Variants in LTBP1 observed in about 807,000 individuals in gnomAD.
LTBP1 encodes the protein latent transforming growth factor beta binding protein 1.
A neutral mutation model predicts 207.6 loss-of-function variants in LTBP1; 129 were observed. That is an observed-to-expected ratio of 0.62 (90% CI 0.54 to 0.72). The LOEUF is 0.72. Among genes scored for constraint, LTBP1 ranks in the 30% least tolerant of loss-of-function variants. The probability of loss-of-function intolerance (pLI) is 0.00; values close to 1 mark genes in which losing one functional copy is unlikely to be tolerated. For missense variants in LTBP1, 2,281 were observed against 2,217.2 expected (o/e 1.03, Z -0.58); for synonymous variants, 963 against 833.7 (o/e 1.16, Z -2.67).
chr2:32,950,458 C>G (rs1173104794), intron 2 of LTBP1, among the ~76,000 whole-genome samples: 1 of 151,118 alleles, frequency 6.6e-6, no homozygotes, highest in African/African-American at 2.4e-5. Flanking sequence ...ACTGGGGAGG[C>G]TAAGGCAGGA....
intron 5 of LTBP1, among the ~76,000 whole-genome samples, chr2:33,164,352 G>GAA (rs56916166): frequency 0.029 from 818 of 28,186 alleles, 101 homozygotes; most frequent in African/African-American, 0.089. Flanking sequence ...TTCCTCTCAG[G>GAA]AAAAAAAAAA....
At chr2:33,397,045 G>T (rs141560928) in intron 32 of LTBP1, 88 bp from the exon 33 acceptor site, 46 of 1,247,178 alleles carry the variant, frequency 3.7e-5, no homozygotes, top group Non-Finnish European at 4.9e-5. Context: ...GTGTCTATTT[G>T]GAAAATGAAC....
intron 2 of LTBP1, among the ~76,000 whole-genome samples, chr2:33,006,118 A>G (rs1057092344): frequency 1.3e-5 from 2 of 151,908 alleles, no homozygotes. Context: ...AATACATAGT[A>G]TTTAAGAGAT....
intron 13 of LTBP1, among the ~76,000 whole-genome samples, chr2:33,260,086 G>T (rs1033387860): frequency 6.6e-6 from 1 of 152,282 alleles, no homozygotes; most frequent in African/African-American, 2.4e-5. Flanking sequence ...ACACTTAAAA[G>T]TTACAATCAA....
In LTBP1 at chr2:33,074,869, C is replaced by CAA. The variant is rs36211816; in HGVS notation, c.864-35687_864-35686dup. 1.6e-3 allele frequency among the ~76,000 whole-genome samples: 209 copies of CAA among 131,924 alleles called. 7 individuals carry two copies. Among genetic ancestry groups the CAA allele is most frequent in the African/African-American group, 6.4e-3 (187 of 29,432 alleles). The allele number at this position is 131,924 out of a possible 152,430, so 86.5% of individuals were successfully genotyped here. A position where few individuals can be genotyped will look rare whatever the true frequency, so the allele number is the denominator to read the frequency against. On this transcript the variant is annotated intron_variant, in intron 3 of 33. Coordinates refer to ENST00000404816, the MANE Select transcript of LTBP1 (RefSeq NM_206943.4). ...TGGGCAACAGAGCGAGACTCCATCT[C>CAA]AAAAAAAAAAAAAAAAAAAAAAAAA...
At chr2:33,178,178 AGCC>A (rs1242047235) in intron 5 of LTBP1, among the ~76,000 whole-genome samples, 3 of 152,224 alleles carry the variant, frequency 2.0e-5, no homozygotes, top group African/African-American at 7.2e-5. Flanking sequence ...GTGTTTCTGC[AGCC>A]AACAAATGTT....
At chr2:33,127,925 TGTG>T (rs2081532458) in intron 4 of LTBP1, among the ~76,000 whole-genome samples, 1 of 152,078 alleles carries the variant, frequency 6.6e-6, no homozygotes, top group Admixed American at 6.6e-5. Flanking sequence ...TACATGGAGA[TGTG>T]GTGGGAGGCG....
chr2:33,389,423 C>T, intron 32 of LTBP1, 117 bp downstream of exon 32: 1 of 1,394,804 alleles, frequency 7.2e-7, no homozygotes, highest in Non-Finnish European at 9.9e-7. Context: ...CACCCCAGAC[C>T]TGCTGGTCAG....
At chr2:33,226,843 C>T (rs1298441940) in intron 9 of LTBP1, among the ~76,000 whole-genome samples, 1 of 152,108 alleles carries the variant, frequency 6.6e-6, no homozygotes, top group East Asian at 1.9e-4. Flanking sequence ...TTTTGATTAG[C>T]AGGGTCATGA....
chr2:33,124,167 A>G (rs1249727994), intron 4 of LTBP1, among the ~76,000 whole-genome samples: 1 of 152,176 alleles, frequency 6.6e-6, no homozygotes, highest in East Asian at 1.9e-4. Flanking sequence ...CAGGCACTTT[A>G]GGAGGCCAAG....
intron 1 of LTBP1, among the ~76,000 whole-genome samples, chr2:32,948,484 C>T (rs1334321713): frequency 1.3e-5 from 2 of 152,118 alleles, no homozygotes; most frequent in African/African-American, 4.8e-5. Context: ...AGGGGTGATT[C>T]CAGGCCATGT....
At chr2:33,274,834 C>T (rs1482431887) in intron 16 of LTBP1, 131 bp from the exon 17 acceptor site, 9 of 797,834 alleles carry the variant, frequency 1.1e-5, no homozygotes, top group Non-Finnish European at 1.8e-5. Flanking sequence ...GATCGTGTCT[C>T]CTTTTGCTGT....
At chr2:33,020,065 A>G (rs1041500812) in intron 2 of LTBP1, among the ~76,000 whole-genome samples, 4 of 152,098 alleles carry the variant, frequency 2.6e-5, no homozygotes, top group African/African-American at 9.7e-5. Flanking sequence ...CAGAGTACAT[A>G]CATCCTTGCA....
chr2:33,354,713 CACACACACACACACA>C, intron 26 of LTBP1, among the ~76,000 whole-genome samples: 1 of 135,170 alleles, frequency 7.4e-6, no homozygotes, highest in African/African-American at 2.5e-5. Context: ...CACACACACA[CACACACACACACACA>C]CCATTGTATC....
intron 5 of LTBP1, among the ~76,000 whole-genome samples, chr2:33,138,928 G>C (rs368010944): frequency 7.7e-6 from 1 of 130,474 alleles, no homozygotes; most frequent in Non-Finnish European, 1.5e-5. Flanking sequence ...GCGCGATCTC[G>C]GCTCACTGCA....
At chr2:33,207,057 C>CA (rs2089938957) in intron 7 of LTBP1, among the ~76,000 whole-genome samples, 1 of 152,100 alleles carries the variant, frequency 6.6e-6, no homozygotes, top group Admixed American at 6.5e-5. Context: ...AAGAGCAAAA[C>CA]ACACATATCA....
chr2:33,367,466 T>A (rs1045411151), intron 31 of LTBP1, among the ~76,000 whole-genome samples: 3 of 152,198 alleles, frequency 2.0e-5, no homozygotes, highest in Non-Finnish European at 4.4e-5. Flanking sequence ...GCGAACACTG[T>A]GCCCAATAGG....
intron 15 of LTBP1, among the ~76,000 whole-genome samples, chr2:33,265,352 T>C (rs1026003331): frequency 1.2e-4 from 19 of 152,212 alleles, no homozygotes; most frequent in African/African-American, 4.6e-4. Context: ...AGACATCTTG[T>C]CTAAGGAAAT....
intron 3 of LTBP1, among the ~76,000 whole-genome samples, chr2:33,098,811 T>C (rs137920758): frequency 5.7e-4 from 87 of 152,292 alleles, no homozygotes; most frequent in Non-Finnish European, 9.8e-4. Flanking sequence ...TGCTTAGAAA[T>C]TCCAATGCAA....
Sources: gnomAD v4.1 joint callset for allele counts (sites outside exome capture counted in the v4.1 genomes callset) on GRCh38, gnomAD v4.1.1 for gene constraint, MANE v1.5 for transcripts, NCBI Gene and HGNC (gene_info 2026-07-23, HGNC 2026-07-21) for gene names.